Variants in TNC observed in about 807,000 individuals in gnomAD.
TNC encodes tenascin.
A neutral mutation model predicts 202.4 loss-of-function variants in TNC; 109 were observed. The observed-to-expected ratio is 0.54, with a 90% CI of 0.46 to 0.63. The LOEUF (loss-of-function observed/expected upper bound fraction) is 0.63. Ranked by LOEUF, TNC falls within the 30% of genes least tolerant of loss-of-function variation. TNC has a pLI of 0.00. For missense variants in TNC, 2,756 were observed against 2,833.3 expected (o/e 0.97, Z 0.62); for synonymous variants, 1,007 against 1,089.7 (o/e 0.92, Z 1.50).
rs1564137771 is a variant in TNC at position 115,095,492 on chromosome 9, GTATATATATGTATA to G, written c.-136-4352_-136-4339del. 2.5e-4 allele frequency among the ~76,000 whole-genome samples: 3 copies of G among 12,114 alleles called. No individual in the cohort carries two copies. In the East Asian group the frequency reaches 3.9e-3, roughly 16 times the overall value. The allele number at this position is 12,114 out of a possible 152,430, so 7.9% of individuals were successfully genotyped here. On this transcript the variant is annotated intron_variant, in intron 1 of 27. Coordinates refer to ENST00000350763, the MANE Select transcript of TNC (RefSeq NM_002160.4). ...TATGTATATATATGTATATATATATGTATATATATGTATATATATATGTATATATATGTATATAT... is the reference window on the plus strand; with the variant it reads ...TATGTATATATATGTATATATATATGTATATATGTATATATATGTATATAT...
At chr9:115,042,133 G>A (rs1326574019) in intron 18 of TNC, 86 bp downstream of exon 18, 1 of 1,522,794 alleles carries the variant, frequency 6.6e-7, no homozygotes, top group Non-Finnish European at 8.9e-7. Flanking sequence ...CATGATGTTA[G>A]AGGATGAAAA....
chr9:115,060,105 A>ATT, intron 13 of TNC, 103 bp from the exon 14 acceptor site: 38 of 1,105,274 alleles, frequency 3.4e-5, no homozygotes, highest in African/African-American at 4.9e-5. Flanking sequence ...GGGAAAGATA[A>ATT]TTTTTTTTTT....
chr9:115,059,691 GAACCTT>G, intron 14 of TNC, 33 bp downstream of exon 14: 1 of 1,532,442 alleles, frequency 6.5e-7, no homozygotes, highest in Non-Finnish European at 8.8e-7. Flanking sequence ...AGGAAGCAAA[GAACCTT>G]GGGGAGAAAG....
intron 1 of TNC, among the ~76,000 whole-genome samples, chr9:115,100,041 G>T (rs1464401214): frequency 6.6e-6 from 1 of 152,184 alleles, no homozygotes; most frequent in African/African-American, 2.4e-5. Flanking sequence ...TGGGAGGTCA[G>T]GACCCTGGCC....
At position 115,057,233 on chromosome 9, in the gene TNC, G is replaced by C. The variant is rs371105552; in HGVS notation, c.4499C>G (p.Pro1500Arg). The C allele has an allele frequency of 4.0e-5, 65 of 1,614,160 alleles. No individual in the cohort carries two copies. The African/African-American group carries it at 8.7e-4, about 22-fold the overall frequency. The change falls in exon 15 of 28, where the codon CCT becomes CGT. Residue 1500 changes from proline to arginine, a missense_variant. Physicochemically the swap from Pro to Arg is moderately radical, Grantham distance 103. Coordinates refer to ENST00000350763, the MANE Select transcript of TNC (RefSeq NM_002160.4). ...ERTAHISGLP[P>R]STDFIVYLSG... is the part of the protein sequence containing the mutation. ...GAGGTAGACAATAAAATCAGTACTAGGGGGTAGCCCTGAGATATGGGCAGT... is the reference window on the plus strand; with the variant it reads ...GAGGTAGACAATAAAATCAGTACTACGGGGTAGCCCTGAGATATGGGCAGT...
chr9:115,092,464 C>T (rs2133730756), intron 1 of TNC, among the ~76,000 whole-genome samples: 1 of 152,246 alleles, frequency 6.6e-6, no homozygotes, highest in East Asian at 1.9e-4. Context: ...TAAAACAATG[C>T]TATGGAGGCA....
chr9:115,052,849 C>T (rs1435182085), intron 15 of TNC: 7 of 702,586 alleles, frequency 1.0e-5, no homozygotes, highest in Non-Finnish European at 1.8e-5. Context: ...TGTGAGCTTG[C>T]TTTGCATCTC....
rs140046275 is a variant in TNC, at chr9:115,090,885, T to C, written c.134A>G (p.Asn45Ser). 1 of 1,614,072 alleles carries C rather than the reference T, an allele frequency of 6.2e-7. No individual in the cohort carries two copies. Among genetic ancestry groups the C allele is most frequent in the Non-Finnish European group, 8.5e-7 (1 of 1,180,042 alleles). ...SGVNATLPEE[N>S]QPVVFNHVYN... ...AACGTGGTTAAACACCACTGGCTGG[T>C]TCTCTTCTGGCAGGGTGGCGTTCAC... The change falls in exon 2 of 28, where the codon AAC (asparagine) becomes AGC (serine). Residue 45 changes from asparagine to serine, a missense_variant. This residue lies in a region of TNC where 2,559 missense variants were observed against 2,546.0 expected (regional missense o/e 1.01). Coordinates refer to ENST00000350763, the MANE Select transcript of TNC (RefSeq NM_002160.4).
chr9:115,046,481 T>G lies in TNC; in HGVS notation c.5054A>C (p.Glu1685Ala), dbSNP rs1456563146. The G allele has an allele frequency of 1.2e-6, 2 of 1,614,048 alleles. No homozygotes were observed. The highest frequency in any genetic ancestry group is 1.7e-6 in the Non-Finnish European group (2 of 1,180,008). The change falls in exon 17 of 28, where the codon GAA becomes GCA. Residue 1685 changes from glutamate to alanine, a missense_variant. Glu to Ala is a moderately radical substitution (Grantham distance 107, BLOSUM62 -1). Coordinates refer to ENST00000350763, the MANE Select transcript of TNC (RefSeq NM_002160.4). ...TATTCCATAGAGTTCAATTTCGTATTCAGTAGCCTCTCTGAGACCTGTTAT... is the reference window on the plus strand; with the variant it reads ...TATTCCATAGAGTTCAATTTCGTATGCAGTAGCCTCTCTGAGACCTGTTAT... ...RDITGLREAT[E>A]YEIELYGISK...
chr9:115,030,405 A>C lies in TNC; in HGVS notation c.5921T>G (p.Ile1974Ser). 6.2e-7 allele frequency: 1 copy of C among 1,611,712 alleles called. No individual in the cohort carries two copies. The highest frequency in any genetic ancestry group is 8.5e-7 in the Non-Finnish European group (1 of 1,178,330). Residue 1974 changes from isoleucine (I) to serine (S), a missense_variant and splice_region_variant, in exon 24 of 28, where the codon ATT (isoleucine) becomes AGT (serine). Physicochemically the swap from Ile to Ser is moderately radical, Grantham distance 142. Transcript: ENST00000350763. ...CTTGGGGAAGGGGTACAGGAGTCCA[A>C]CTGTGGAATAAGGAGAAATGGTGAT... is the stretch of plus-strand genomic sequence containing the variant. Reference protein sequence around the residue: ...SNMIQTIFTTIGLLYPFPKDC... With the variant: ...SNMIQTIFTTSGLLYPFPKDC...
intron 15 of TNC, among the ~76,000 whole-genome samples, chr9:115,054,091 G>A (rs7858962): frequency 0.11 from 16,012 of 152,130 alleles, 898 homozygotes; most frequent in Middle Eastern, 0.17. Flanking sequence ...TTAGAGAGAG[G>A]CAACAGTACT....
At chr9:115,065,836 A>G (rs1027479186) in intron 10 of TNC, among the ~76,000 whole-genome samples, 2 of 132,038 alleles carry the variant, frequency 1.5e-5, no homozygotes, top group African/African-American at 5.7e-5. Flanking sequence ...CTGGAGGTTG[A>G]GGTTGCAGTG....
In TNC at chr9:115,078,051, TCTCGTC is replaced by T; in HGVS notation, c.2560_2565del (p.Asp854_Glu855del). The T allele has an allele frequency of 6.2e-7, 1 of 1,614,232 alleles. No individual in the cohort carries two copies. The highest frequency in any genetic ancestry group is 8.5e-7 in the Non-Finnish European group (1 of 1,180,038). ...TTCAGGTTCCCGATGGAGTACTGGT[TCTCGTC>T]CTCTGTGAGATCGATGGTGGTACGG... is the stretch of plus-strand genomic sequence containing the variant. On this transcript the variant is annotated inframe_deletion, in exon 7 of 28. Transcript: ENST00000350763.
At chr9:115,101,474 A>C (rs1836230530) in intron 1 of TNC, among the ~76,000 whole-genome samples, 1 of 152,124 alleles carries the variant, frequency 6.6e-6, no homozygotes, top group Non-Finnish European at 1.5e-5. Context: ...CTGCCTCCCA[A>C]AATGCTAGGG....
chr9:115,047,274 T>C (rs995831355), intron 16 of TNC, among the ~76,000 whole-genome samples: 10 of 151,446 alleles, frequency 6.6e-5, no homozygotes, highest in Admixed American at 6.6e-5. Context: ...TTTCTTGTTA[T>C]TTTATTAACT....
In TNC at chr9:115,091,048, G is replaced by A. The variant is rs368825249; in HGVS notation, c.-30C>T. On this transcript the variant is annotated 5_prime_UTR_variant, in exon 2 of 28. Transcript: ENST00000350763. ...GAGGTGGGTTTGGCTGGGTGCTGCT[G>A]GGGCTCTAGGGCTCTAGGGTATCTC... is the stretch of plus-strand genomic sequence containing the variant. The A allele has an allele frequency of 2.5e-6, 4 of 1,577,722 alleles. No homozygotes were observed. The highest frequency in any genetic ancestry group is 3.5e-6 in the Non-Finnish European group (4 of 1,158,040).
At chr9:115,035,958 G>C in intron 21 of TNC, 140 bp downstream of exon 21, 2 of 998,318 alleles carry the variant, frequency 2.0e-6, no homozygotes, top group South Asian at 3.2e-5. Flanking sequence ...GGGCACTGGT[G>C]AATTTAAGTG....
At chr9:115,024,799 A>G (rs1431511758) in intron 26 of TNC, among the ~76,000 whole-genome samples, 2 of 152,238 alleles carry the variant, frequency 1.3e-5, no homozygotes, top group African/African-American at 4.8e-5. Context: ...ATTAACATGT[A>G]CTACTATTTG....
rs1391531540 is a variant in TNC, at chr9:115,038,394, T to TG, written c.5393-15dup. ...GGCCATCCAGAGCTGCAAAGAAAGA[T>TG]GGTGGACAGGAGGGAAGTCATTGGG... On this transcript the variant is annotated splice_polypyrimidine_tract_variant and intron_variant, in intron 19 of 27. Transcript: ENST00000350763. 6.2e-7 allele frequency: 1 copy of TG among 1,613,276 alleles called. No individual in the cohort carries two copies. The highest frequency in any genetic ancestry group is 8.5e-7 in the Non-Finnish European group (1 of 1,179,568).
Sources: allele counts gnomAD v4.1 joint callset (sites outside exome capture counted in the v4.1 genomes callset), GRCh38; gene constraint gnomAD v4.1.1; regional missense constraint gnomAD v4.1.1; transcripts MANE v1.5; gene names NCBI Gene and HGNC (gene_info 2026-07-23, HGNC 2026-07-21).